DDB2: variants seen among roughly 807,000 people sequenced by gnomAD.
The protein encoded by DDB2 is damage specific DNA binding protein 2, also known as DNA damage-binding protein 2.
Under a neutral mutation model 50.5 loss-of-function variants are expected in DDB2, and 27 were observed. The ratio of observed to expected loss-of-function variants is 0.53; its 90% confidence interval spans 0.39 to 0.74. The LOEUF is 0.74. Among genes scored for constraint, DDB2 ranks in the 30% least tolerant of loss-of-function variants. The probability of loss-of-function intolerance (pLI) is 0.00; values close to 1 mark genes in which losing one functional copy is unlikely to be tolerated. For missense variants in DDB2, 424 were observed against 545.6 expected (o/e 0.78, Z 2.22); for synonymous variants, 176 against 205.5 (o/e 0.86, Z 1.23).
Position 47,239,029 on chromosome 11 carries a change from C to A in DDB2, c.*180C>A. 1 of 625,386 alleles carries A rather than the reference C, an allele frequency of 1.6e-6. No homozygotes were observed. The highest frequency in any genetic ancestry group is 2.8e-6 in the Non-Finnish European group (1 of 354,364). The allele number at this position is 625,386 out of a possible 1,614,324, so 38.7% of individuals were successfully genotyped here. On this transcript the variant is annotated 3_prime_UTR_variant, in exon 10 of 10. Coordinates refer to ENST00000256996, the MANE Select transcript of DDB2 (RefSeq NM_000107.3). ...GACACTTTTATGTTAATGCTCTGGA[C>A]TTGCCTCCAGAGACTGCTCCAGAGT... is the stretch of plus-strand genomic sequence containing the variant.
chr11:47,214,912 G>A (rs962863983), upstream of DDB2: 2 of 607,834 alleles, frequency 3.3e-6, no homozygotes, highest in African/African-American at 3.7e-5. Context: ...CCCCCTCCCC[G>A]CGCCCCCGCC....
chr11:47,235,113 T>G, intron 6 of DDB2, 157 bp from the exon 7 acceptor site: 1 of 1,328,262 alleles, frequency 7.5e-7, no homozygotes, highest in Non-Finnish European at 1.1e-6. Context: ...TTTCCAGAAT[T>G]TTTTTGTTGT....
At chr11:47,218,697 T>G (rs1953435286) in intron 3 of DDB2, among the ~76,000 whole-genome samples, 1 of 151,542 alleles carries the variant, frequency 6.6e-6, no homozygotes, top group Non-Finnish European at 1.5e-5. Context: ...GACACTGGGT[T>G]TAGAGCAGGA....
intron 3 of DDB2, among the ~76,000 whole-genome samples, chr11:47,230,496 A>C (rs1315581331): frequency 6.6e-6 from 1 of 152,224 alleles, no homozygotes; most frequent in African/African-American, 2.4e-5. Flanking sequence ...AATTGCAATA[A>C]AAGATACAAT....
chr11:47,232,066 G>A (rs1486911303), intron 3 of DDB2, among the ~76,000 whole-genome samples: 1 of 152,162 alleles, frequency 6.6e-6, no homozygotes, highest in African/African-American at 2.4e-5. Flanking sequence ...AAGGGAGGCG[G>A]GGCACGGTGG....
At chr11:47,218,621 GT>G (rs935879650) in intron 3 of DDB2, among the ~76,000 whole-genome samples, 1 of 151,986 alleles carries the variant, frequency 6.6e-6, no homozygotes, top group African/African-American at 2.4e-5. Context: ...TGAGTGTGTC[GT>G]CCCCTCTAGG....
chr11:47,235,489 A>G (rs931763716), intron 7 of DDB2, 77 bp downstream of exon 7: 5 of 1,512,214 alleles, frequency 3.3e-6, no homozygotes, highest in Non-Finnish European at 4.5e-6. Flanking sequence ...ACAGTGGGGA[A>G]GGGCTGATGT....
intron 4 of DDB2, among the ~76,000 whole-genome samples, chr11:47,234,192 C>A (rs542981887): frequency 6.6e-6 from 1 of 152,134 alleles, no homozygotes; most frequent in Non-Finnish European, 1.5e-5. Context: ...TGGCTTGTGT[C>A]TCCTTTGGCC....
upstream of DDB2, chr11:47,214,853 G>A: frequency 2.0e-6 from 1 of 495,916 alleles, no homozygotes. Context: ...ACTGGCCCTG[G>A]CGCAGTTCCC....
intron 4 of DDB2, among the ~76,000 whole-genome samples, chr11:47,233,709 CAA>C (rs10544942): frequency 0.28 from 38,988 of 140,512 alleles, 6,608 homozygotes; most frequent in East Asian, 0.65. Flanking sequence ...AAATCTATCT[CAA>C]AAAAAAAAAA....
chr11:47,223,796 T>G (rs4647724), intron 3 of DDB2, among the ~76,000 whole-genome samples: 9 of 149,956 alleles, frequency 6.0e-5, no homozygotes, highest in South Asian at 4.2e-4. Flanking sequence ...AATAAATAAA[T>G]AAAGAATAAA....
intron 4 of DDB2, chr11:47,233,329 A>C: frequency 2.9e-6 from 1 of 339,832 alleles, no homozygotes; most frequent in Non-Finnish European, 5.7e-6. Context: ...TAATGACCTG[A>C]CCTGTTCCTG....
intron 3 of DDB2, among the ~76,000 whole-genome samples, chr11:47,228,535 C>T (rs376471957): frequency 2.2e-4 from 32 of 147,246 alleles, no homozygotes; most frequent in African/African-American, 6.8e-4. Context: ...CCCAGCTACT[C>T]GGGAGGCTGA....
At chr11:47,228,266 CAA>C (rs879795838) in intron 3 of DDB2, among the ~76,000 whole-genome samples, 5 of 135,768 alleles carry the variant, frequency 3.7e-5, no homozygotes, top group Admixed American at 7.5e-5. Context: ...AACTCTGTCT[CAA>C]AAAAAAAAAA....
chr11:47,238,984 C>A lies in DDB2; in HGVS notation c.*135C>A. The A allele has an allele frequency of 1.1e-6, 1 of 877,028 alleles. No individual in the cohort carries two copies. The highest frequency in any genetic ancestry group is 1.8e-6 in the Non-Finnish European group (1 of 553,430). The allele number at this position is 877,028 out of a possible 1,614,324, so 54.3% of individuals were successfully genotyped here. ...AGGGTTGGAGCAGGGGTGCTGGGAC[C>A]TGGGGCACTGTGGGACTGGGACACT... On this transcript the variant is annotated 3_prime_UTR_variant, in exon 10 of 10. Transcript: ENST00000256996.
intron 3 of DDB2, chr11:47,229,912 C>A (rs1953620873): frequency 5.6e-6 from 2 of 357,872 alleles, no homozygotes; most frequent in African/African-American, 2.2e-5. Context: ...CTAACTACAG[C>A]CTTGAACTCC....
intron 2 of DDB2, 134 bp downstream of exon 2, chr11:47,216,606 C>A: frequency 7.6e-7 from 1 of 1,323,452 alleles, no homozygotes; most frequent in Non-Finnish European, 1.1e-6. Context: ...GGTGACTGGC[C>A]TACTGGGCAC....
chr11:47,226,096 C>A (rs897653353), intron 3 of DDB2, among the ~76,000 whole-genome samples: 3 of 152,090 alleles, frequency 2.0e-5, no homozygotes, highest in African/African-American at 7.2e-5. Context: ...CCCTTTGAGA[C>A]CCCGATTTCA....
At chr11:47,219,498 C>T (rs1384693068) in intron 3 of DDB2, among the ~76,000 whole-genome samples, 1 of 152,036 alleles carries the variant, frequency 6.6e-6, no homozygotes, top group Non-Finnish European at 1.5e-5. Flanking sequence ...GTATCAGGGA[C>T]TACAGGTACG....
Sources: allele counts gnomAD v4.1 joint callset (sites outside exome capture counted in the v4.1 genomes callset), GRCh38; gene constraint gnomAD v4.1.1; transcripts MANE v1.5; gene names NCBI Gene and HGNC (gene_info 2026-07-23, HGNC 2026-07-21).